The following ANO4 variants were observed in gnomAD, a reference collection of about 807,000 sequenced individuals.
The protein encoded by ANO4 is anoctamin-4.
In ANO4, 69 loss-of-function variants were observed where a neutral mutation model predicts 141.9. The ratio of observed to expected loss-of-function variants is 0.49; its 90% CI spans 0.40 to 0.59. The LOEUF is 0.59. ANO4 is among the 20% of genes least tolerant of loss of function. The probability of loss-of-function intolerance (pLI) is 0.00; values close to 1 mark genes in which losing one functional copy is unlikely to be tolerated. For synonymous variants in ANO4, 350 were observed against 394.3 expected, an observed-to-expected ratio of 0.89 and a Z score of 1.33; for missense variants, 894 against 1,162.2, an observed-to-expected ratio of 0.77 and a Z score of 3.36.
rs554455394 is a variant in ANO4, at chr12:100,911,112, C to T, written c.55+9272C>T. ...AAATTATAGCTACAATATATTAAGC[C>T]CTCTACCATATTCCCAACCTCAAAA... On this transcript the variant is annotated intron_variant, in intron 2 of 27. Transcript: ENST00000392977. Among the ~76,000 whole-genome samples, 4 of 152,144 alleles carry T rather than the reference C, an allele frequency of 2.6e-5. No homozygotes were observed. In the East Asian group the frequency reaches 7.7e-4, roughly 29 times the overall value.
chr12:101,057,011 T>G (rs1187410227), intron 14 of ANO4, among the ~76,000 whole-genome samples: 1 of 150,442 alleles, frequency 6.6e-6, no homozygotes, highest in African/African-American at 2.5e-5. Flanking sequence ...CCGATCCCCC[T>G]ATCCCCCAAC....
chr12:101,033,325 G>A (rs1357745786), intron 9 of ANO4, among the ~76,000 whole-genome samples: 1 of 151,980 alleles, frequency 6.6e-6, no homozygotes, highest in Non-Finnish European at 1.5e-5. Context: ...TGTGGGGTGG[G>A]GGAAGGGGGG....
intron 1 of ANO4, among the ~76,000 whole-genome samples, chr12:100,845,335 A>T (rs1412591120): frequency 6.6e-6 from 1 of 152,094 alleles, no homozygotes; most frequent in Non-Finnish European, 1.5e-5. Context: ...AGAAAAGTTG[A>T]CCTGGGAGAG....
intron 1 of ANO4, among the ~76,000 whole-genome samples, chr12:100,729,330 G>A (rs1238225846): frequency 2.6e-5 from 2 of 75,790 alleles, no homozygotes; most frequent in Non-Finnish European, 5.5e-5. Flanking sequence ...CTCCAGCCTG[G>A]GCAATAAAAG....
intron 7 of ANO4, among the ~76,000 whole-genome samples, chr12:100,978,761 A>G (rs1254809528): frequency 6.6e-6 from 1 of 152,232 alleles, no homozygotes; most frequent in Non-Finnish European, 1.5e-5. Context: ...AGGTTCTGAC[A>G]CCTAAGGGCT....
chr12:100,795,508 T>C (rs998409453), intron 1 of ANO4, among the ~76,000 whole-genome samples: 2 of 152,222 alleles, frequency 1.3e-5, no homozygotes, highest in African/African-American at 4.8e-5. Context: ...GCAGCTGTGT[T>C]TTCTGCACCT....
At chr12:100,754,237 T>C (rs1593273490) in intron 3 of ANO4, among the ~76,000 whole-genome samples, 2 of 152,366 alleles carry the variant, frequency 1.3e-5, no homozygotes, top group East Asian at 3.9e-4. Context: ...TCTTCCACCC[T>C]TCCCACATCT....
At chr12:100,827,425 AC>A (rs1245996295) in intron 1 of ANO4, among the ~76,000 whole-genome samples, 1 of 151,668 alleles carries the variant, frequency 6.6e-6, no homozygotes, top group East Asian at 1.9e-4. Flanking sequence ...AGAAAGAAAT[AC>A]CCCCCCATAA....
chr12:100,951,159 A>G (rs1241522859), intron 5 of ANO4, among the ~76,000 whole-genome samples: 1 of 152,228 alleles, frequency 6.6e-6, no homozygotes, highest in Middle Eastern at 3.2e-3. Context: ...CAGAATGGCT[A>G]TTATTAATAC....
intron 17 of ANO4, among the ~76,000 whole-genome samples, chr12:101,089,633 T>C (rs1415497330): frequency 1.3e-5 from 2 of 152,240 alleles, no homozygotes; most frequent in Non-Finnish European, 2.9e-5. Context: ...TCCTCCAATG[T>C]CTTAAAATTT....
intron 6 of ANO4, among the ~76,000 whole-genome samples, chr12:100,973,438 TATCCCTATA>T (rs1257903996): frequency 6.6e-6 from 1 of 152,248 alleles, no homozygotes; most frequent in Non-Finnish European, 1.5e-5. Flanking sequence ...CATGGATTTT[TATCCCTATA>T]ATGTTTAAAA....
intron 1 of ANO4, among the ~76,000 whole-genome samples, chr12:100,847,914 G>T (rs2037659139): frequency 1.3e-5 from 2 of 152,172 alleles, no homozygotes. Flanking sequence ...TTCTCATTTT[G>T]CCTCAGGTGG....
intron 5 of ANO4, among the ~76,000 whole-genome samples, chr12:100,970,980 G>T (rs1030707378): frequency 2.6e-5 from 4 of 152,158 alleles, no homozygotes; most frequent in Non-Finnish European, 4.4e-5. Context: ...CTCCCAAACT[G>T]CTGGGATTAA....
chr12:100,804,504 C>T (rs1367094068), intron 1 of ANO4, among the ~76,000 whole-genome samples: 1 of 152,106 alleles, frequency 6.6e-6, no homozygotes, highest in African/African-American at 2.4e-5. Context: ...ATTTCTGGTT[C>T]TAGGTCTCTG....
At chr12:101,061,398 T>C (rs1431774155) in intron 14 of ANO4, among the ~76,000 whole-genome samples, 1 of 152,074 alleles carries the variant, frequency 6.6e-6, no homozygotes, top group Non-Finnish European at 1.5e-5. Context: ...TGTAGTGTTC[T>C]CTGTATTTCC....
chr12:101,055,548 G>T (rs1174364078), intron 14 of ANO4, among the ~76,000 whole-genome samples: 2 of 152,274 alleles, frequency 1.3e-5, no homozygotes, highest in South Asian at 2.1e-4. Context: ...TAAGTTAAAA[G>T]AGTACTTTTA....
In ANO4 at chr12:101,058,244, A is replaced by C. The variant is rs188573166; in HGVS notation, c.1312+9843A>C. ...ATATGTCTGTTTTGGTACCAGTACC[A>C]TGCTGTTTTGGTTACTGTAGCCTTG... On this transcript the variant is annotated intron_variant, in intron 14 of 27. Transcript: ENST00000392977. 6.2e-3 allele frequency among the ~76,000 whole-genome samples: 949 copies of C among 152,286 alleles called. 8 individuals are homozygous for C. The highest frequency in any genetic ancestry group is 0.022 in the African/African-American group (901 of 41,562).
At chr12:100,804,339 G>A (rs1486564701) in intron 1 of ANO4, among the ~76,000 whole-genome samples, 1 of 152,040 alleles carries the variant, frequency 6.6e-6, no homozygotes, top group Non-Finnish European at 1.5e-5. Flanking sequence ...ATTTCCTTTA[G>A]CCAGTCTATC....
intron 5 of ANO4, among the ~76,000 whole-genome samples, chr12:100,963,945 G>C (rs2043538212): frequency 6.6e-6 from 1 of 152,162 alleles, no homozygotes; most frequent in Admixed American, 6.5e-5. Context: ...CCAGAATGAT[G>C]CTGCAAGGCA....
Sources: gnomAD v4.1 joint callset for allele counts (sites outside exome capture counted in the v4.1 genomes callset) on GRCh38, gnomAD v4.1.1 for gene constraint, MANE v1.5 for transcripts, NCBI Gene and HGNC (gene_info 2026-07-23, HGNC 2026-07-21) for gene names.